Variants in SUSD6 observed in about 807,000 individuals in gnomAD.
SUSD6 encodes the protein sushi domain containing 6.
SUSD6 carries 16 observed loss-of-function variants against 28.4 expected under a neutral mutation model. The ratio of observed to expected loss-of-function variants is 0.56; its 90% CI spans 0.38 to 0.86. The LOEUF is 0.86. Ranked by LOEUF, SUSD6 falls within the 40% of genes least tolerant of loss-of-function variation. SUSD6 has a pLI of 0.00. For synonymous variants in SUSD6, 147 were observed against 159.6 expected (o/e 0.92, Z 0.59); for missense variants, 341 against 384.2 (o/e 0.89, Z 0.94).
intron 1 of SUSD6, among the ~76,000 whole-genome samples, chr14:69,634,812 A>G (rs550604395): frequency 6.6e-6 from 1 of 152,216 alleles, no homozygotes; most frequent in Non-Finnish European, 1.5e-5. Flanking sequence ...CATCCCCACT[A>G]CTGTTGGGAT....
intron 2 of SUSD6, among the ~76,000 whole-genome samples, chr14:69,667,573 C>T (rs544908430): frequency 2.0e-5 from 3 of 151,026 alleles, no homozygotes; most frequent in South Asian, 2.1e-4. Context: ...TTAGTAGAGA[C>T]GGGGTTTCAC....
intron 1 of SUSD6, among the ~76,000 whole-genome samples, chr14:69,648,070 T>C (rs180713140): frequency 2.0e-5 from 3 of 152,300 alleles, no homozygotes; most frequent in Admixed American, 2.0e-4. Context: ...CATTTTCAGA[T>C]GATGATGACA....
chr14:69,651,214 A>G (rs1040067481), intron 1 of SUSD6, among the ~76,000 whole-genome samples: 3 of 152,174 alleles, frequency 2.0e-5, no homozygotes, highest in African/African-American at 7.2e-5. Flanking sequence ...TCCCTGCTGC[A>G]GTCATCCTGC....
chr14:69,660,591 A>G (rs1885648023), intron 2 of SUSD6, among the ~76,000 whole-genome samples: 2 of 152,394 alleles, frequency 1.3e-5, no homozygotes, highest in Non-Finnish European at 2.9e-5. Flanking sequence ...GCAGAACCAC[A>G]GAGTGTGGTT....
chr14:69,630,840 A>G (rs892267453), intron 1 of SUSD6, among the ~76,000 whole-genome samples: 4 of 152,206 alleles, frequency 2.6e-5, no homozygotes, highest in African/African-American at 9.6e-5. Flanking sequence ...AAGTTGTTTC[A>G]GTTGTGGAGA....
intron 2 of SUSD6, among the ~76,000 whole-genome samples, chr14:69,696,597 A>T (rs987306339): frequency 2.0e-5 from 3 of 152,210 alleles, no homozygotes; most frequent in Non-Finnish European, 1.5e-5. Flanking sequence ...TTCTTTCCAC[A>T]TCTTCAGCCT....
intron 1 of SUSD6, among the ~76,000 whole-genome samples, chr14:69,631,611 G>C (rs537366745): frequency 6.6e-6 from 1 of 152,260 alleles, no homozygotes; most frequent in African/African-American, 2.4e-5. Context: ...CAGTGACTAA[G>C]CACTCAAATG....
chr14:69,686,531 A>G (rs1886076280), intron 2 of SUSD6, among the ~76,000 whole-genome samples: 2 of 152,220 alleles, frequency 1.3e-5, no homozygotes, highest in Admixed American at 1.3e-4. Flanking sequence ...TGATAAAGAC[A>G]TACCCGAGAC....
intron 1 of SUSD6, among the ~76,000 whole-genome samples, chr14:69,658,104 G>A (rs1377951935): frequency 1.3e-5 from 2 of 152,226 alleles, no homozygotes; most frequent in Admixed American, 1.3e-4. Context: ...TACGACACGT[G>A]TTCTCTCTCT....
chr14:69,675,320 A>T (rs1275522746), intron 2 of SUSD6, among the ~76,000 whole-genome samples: 6 of 152,036 alleles, frequency 3.9e-5, no homozygotes, highest in Admixed American at 3.9e-4. Context: ...TTCATTACTC[A>T]TTTTCATCAC....
intron 1 of SUSD6, among the ~76,000 whole-genome samples, chr14:69,626,659 T>TC (rs900667205): frequency 1.3e-5 from 2 of 152,118 alleles, no homozygotes; most frequent in African/African-American, 4.8e-5. Flanking sequence ...CCCATTTTTT[T>TC]CATGCTTAAT....
At position 69,708,864 on chromosome 14, in the gene SUSD6, C is replaced by CA. The variant is rs1407789984; in HGVS notation, c.647dup (p.Leu217AlafsTer15). 1 of 1,614,018 alleles carries CA rather than the reference C, an allele frequency of 6.2e-7. No homozygotes were observed. Among genetic ancestry groups the CA allele is most frequent in the Non-Finnish European group, 8.5e-7 (1 of 1,180,018 alleles). ...TGGGAGGAGCGTGCCAAGGGAGCAA[C>CA]AGCTGCCGGACCAAGGGGCCTGCTC... On this transcript the variant is annotated frameshift_variant, in exon 5 of 6. Transcript: ENST00000342745. LOFTEE classifies it high-confidence loss of function.
intron 2 of SUSD6, among the ~76,000 whole-genome samples, chr14:69,699,789 G>A (rs1179592293): frequency 2.0e-5 from 3 of 152,164 alleles, no homozygotes; most frequent in Non-Finnish European, 4.4e-5. Flanking sequence ...AAGAGTGGAA[G>A]TTTAATAGGC....
chr14:69,669,520 G>A (rs1021777476), intron 2 of SUSD6, among the ~76,000 whole-genome samples: 1 of 152,200 alleles, frequency 6.6e-6, no homozygotes, highest in African/African-American at 2.4e-5. Context: ...AGTGCCACTT[G>A]GGTGGGGTTT....
At chr14:69,652,394 C>T (rs1377404760) in intron 1 of SUSD6, among the ~76,000 whole-genome samples, 3 of 152,046 alleles carry the variant, frequency 2.0e-5, no homozygotes, top group East Asian at 3.9e-4. Context: ...CTGCCGTGAC[C>T]CAAGATTGTG....
At chr14:69,613,195 T>G (rs1884907269) in intron 1 of SUSD6, among the ~76,000 whole-genome samples, 1 of 152,180 alleles carries the variant, frequency 6.6e-6, no homozygotes, top group South Asian at 2.1e-4. Flanking sequence ...GGGCTTTACT[T>G]TTTTGAACTC....
At chr14:69,706,500 C>T (rs1216954768) in intron 4 of SUSD6, among the ~76,000 whole-genome samples, 1 of 152,088 alleles carries the variant, frequency 6.6e-6, no homozygotes, top group East Asian at 1.9e-4. Context: ...ACTCATGTTG[C>T]CCAGGCTGGA....
At chr14:69,644,169 G>A (rs146923598) in intron 1 of SUSD6, among the ~76,000 whole-genome samples, 1 of 152,234 alleles carries the variant, frequency 6.6e-6, no homozygotes, top group East Asian at 1.9e-4. Context: ...TCTCGTACAT[G>A]TAGGTGCCCA....
In SUSD6 at chr14:69,714,196, C is replaced by G. The variant is rs1246697413; in HGVS notation, c.*3217C>G. 2.0e-5 allele frequency: 3 copies of G among 152,196 alleles called. No homozygotes were observed. The highest frequency in any genetic ancestry group is 6.5e-5 in the Admixed American group (1 of 15,278). The allele number at this position is 152,196 out of a possible 1,614,324, so 9.4% of individuals were successfully genotyped here. ...CTTTCCCATTCATCTTGCCCTCCCC[C>G]TCCTCCCGCCAGCTTTAAAGTTCAG... is the stretch of plus-strand genomic sequence containing the variant. On this transcript the variant is annotated 3_prime_UTR_variant, in exon 6 of 6. Transcript: ENST00000342745.
Sources: gnomAD v4.1 joint callset for allele counts (sites outside exome capture counted in the v4.1 genomes callset) on GRCh38, gnomAD v4.1.1 for gene constraint, MANE v1.5 for transcripts, NCBI Gene and HGNC (gene_info 2026-07-23, HGNC 2026-07-21) for gene names.